The following ATAD2B variants were observed in gnomAD, a reference collection of about 807,000 sequenced individuals.
ATAD2B encodes the protein ATPase family AAA domain-containing protein 2B.
In ATAD2B, 40 loss-of-function variants were observed where a neutral mutation model predicts 167.6. The ratio of observed to expected loss-of-function variants is 0.24; its 90% CI spans 0.19 to 0.31. The LOEUF (loss-of-function observed/expected upper bound fraction) is 0.31. ATAD2B is among the 10% of genes least tolerant of loss of function. The pLI, the probability that ATAD2B is intolerant of heterozygous loss-of-function variation, is 1.00. For synonymous variants in ATAD2B, 579 were observed against 596.5 expected (o/e 0.97, Z 0.43); for missense variants, 1,242 against 1,757.2 (o/e 0.71, Z 5.24).
At chr2:23,797,592 T>C (rs1320035212) in intron 19 of ATAD2B, among the ~76,000 whole-genome samples, 2 of 152,122 alleles carry the variant, frequency 1.3e-5, no homozygotes, top group Non-Finnish European at 2.9e-5. Flanking sequence ...TGAGACCAGA[T>C]GTGTTTCAGA....
intron 13 of ATAD2B, among the ~76,000 whole-genome samples, chr2:23,843,313 A>C (rs6718635): frequency 0.1 from 15,647 of 152,306 alleles, 899 homozygotes; most frequent in Middle Eastern, 0.18. Flanking sequence ...GTGAAAACAG[A>C]AAAAGACTGA....
intron 18 of ATAD2B, among the ~76,000 whole-genome samples, 157 bp from the exon 19 acceptor site, chr2:23,798,480 G>C (rs1051131646): frequency 1.3e-4 from 20 of 150,200 alleles, no homozygotes; most frequent in Admixed American, 1.3e-3. Context: ...GCCTTACACA[G>C]CTTCAATCTA....
chr2:23,811,310 T>A (rs1685551412), intron 17 of ATAD2B: 1 of 152,186 alleles, frequency 6.6e-6, no homozygotes, highest in Non-Finnish European at 1.5e-5. Context: ...ATTAGTTATA[T>A]CATCAAAGGG....
intron 21 of ATAD2B, among the ~76,000 whole-genome samples, chr2:23,784,701 C>T (rs191159809): frequency 1.3e-5 from 2 of 151,800 alleles, no homozygotes; most frequent in African/African-American, 4.8e-5. Context: ...AGAAAGGGCA[C>T]ACACACATAT....
the ATAD2B span, among the ~76,000 whole-genome samples, chr2:23,683,448 AC>A: frequency 0.011 from 1,723 of 152,308 alleles, 18 homozygotes; most frequent in Middle Eastern, 0.031. Context: ...GAAGGCCCTA[AC>A]TTTTGCCAAT....
chr2:23,683,211 G>A, the ATAD2B span, among the ~76,000 whole-genome samples: 1 of 152,248 alleles, frequency 6.6e-6, no homozygotes, highest in South Asian at 2.1e-4. Flanking sequence ...GCTGGAGCAG[G>A]GGCGATGGCC....
chr2:23,754,094 T>A, intron 27 of ATAD2B, 85 bp downstream of exon 27: 1 of 1,128,872 alleles, frequency 8.9e-7, no homozygotes, highest in Non-Finnish European at 1.2e-6. Flanking sequence ...GACATAGATG[T>A]AGGCAAAATA....
At chr2:23,919,425 T>C (rs945282619) in intron 1 of ATAD2B, among the ~76,000 whole-genome samples, 2 of 152,054 alleles carry the variant, frequency 1.3e-5, no homozygotes, top group Non-Finnish European at 2.9e-5. Context: ...CTTGTGCCTG[T>C]AGTCCCAGCT....
intron 20 of ATAD2B, among the ~76,000 whole-genome samples, chr2:23,786,641 A>T (rs1339756613): frequency 6.6e-6 from 1 of 152,166 alleles, no homozygotes; most frequent in South Asian, 2.1e-4. Flanking sequence ...CCAAAACGTC[A>T]TTATGCAGCG....
intron 3 of ATAD2B, 110 bp downstream of exon 3, chr2:23,888,240 C>A: frequency 1.2e-6 from 1 of 804,770 alleles, no homozygotes; most frequent in Non-Finnish European, 1.9e-6. Flanking sequence ...CAGCCATTTC[C>A]AACTGTATGC....
At position 23,884,186 on chromosome 2, in the gene ATAD2B, T is replaced by A. The variant is rs189705579; in HGVS notation, c.784+579A>T. Among the ~76,000 whole-genome samples the A allele has an allele frequency of 1.5e-3, 229 of 152,006 alleles. 1 individual carries two copies. The highest frequency in any genetic ancestry group is 5.2e-3 in the African/African-American group (217 of 41,476). On this transcript the variant is annotated intron_variant, in intron 6 of 27. Transcript: ENST00000238789. The stretch of plus-strand genomic sequence containing the variant: ...TGCCTACAGAATTAAATCCTATAGG[T>A]GTACTGTTCATCAATTTATAATTCA...
intron 22 of ATAD2B, among the ~76,000 whole-genome samples, chr2:23,769,491 T>G (rs1423579361): frequency 6.6e-6 from 1 of 151,978 alleles, no homozygotes; most frequent in Non-Finnish European, 1.5e-5. Context: ...GTCAGCCCTT[T>G]GTATCCACAG....
Position 23,890,138 on chromosome 2 carries a change from C to G in ATAD2B, c.369-1739G>C, listed in dbSNP as rs547062432. 3.3e-5 allele frequency among the ~76,000 whole-genome samples: 5 copies of G among 152,228 alleles called. No individual in the cohort carries two copies. The South Asian group carries it at 1.0e-3, about 32-fold the overall frequency. On this transcript the variant is annotated intron_variant, in intron 2 of 27. Transcript: ENST00000238789. ...GCTGAGGCAGGAGAATGGCGTGAAC[C>G]TGGGAGGTGGAGCTTACAGTGAGCC...
rs191702747 is a variant in ATAD2B, at chr2:23,880,228, T to C, written c.901+411A>G. ...TGTATGTAAATCAATGCTGCTACCA[T>C]GTACTTTGACTTTCTTTCAGTTGCA... On this transcript the variant is annotated intron_variant, in intron 7 of 27. Transcript: ENST00000238789. Among the ~76,000 whole-genome samples, 299 of 152,334 alleles carry C rather than the reference T, an allele frequency of 2.0e-3. 1 individual carries two copies. Among genetic ancestry groups the C allele is most frequent in the Non-Finnish European group, 3.4e-3 (234 of 68,024 alleles).
chr2:23,860,101 G>A (rs1254229516), intron 12 of ATAD2B, among the ~76,000 whole-genome samples: 1 of 152,106 alleles, frequency 6.6e-6, no homozygotes, highest in African/African-American at 2.4e-5. Context: ...TAGTGGGTTT[G>A]CCCCCATCTT....
At chr2:23,688,761 C>T in the ATAD2B span, 2 of 152,278 alleles carry the variant, frequency 1.3e-5, no homozygotes, top group African/African-American at 2.4e-5. Flanking sequence ...CTGCTGCAGT[C>T]CCTCCAAAGC....
rs1415232668 is a variant in ATAD2B at position 23,850,761 on chromosome 2, T to C, written c.1568+6654A>G. 2.0e-5 allele frequency among the ~76,000 whole-genome samples: 3 copies of C among 152,200 alleles called. No homozygotes were observed. In the East Asian group the frequency reaches 5.8e-4, roughly 29 times the overall value. ...GCAGATACGTGTCATTACACATTTGTTGAAACCCTAAAACTGCCTGCTATG... is the reference window on the plus strand; with the variant it reads ...GCAGATACGTGTCATTACACATTTGCTGAAACCCTAAAACTGCCTGCTATG... On this transcript the variant is annotated intron_variant, in intron 13 of 27. Transcript: ENST00000238789.
rs17045919 is a variant in ATAD2B at position 23,796,266 on chromosome 2, G to A, written c.2640+1872C>T. Among the ~76,000 whole-genome samples the A allele has an allele frequency of 3.5e-3, 526 of 152,282 alleles. 4 individuals carry two copies. The highest frequency in any genetic ancestry group is 0.012 in the African/African-American group (511 of 41,572). On this transcript the variant is annotated intron_variant, in intron 19 of 27. Transcript: ENST00000238789. The stretch of plus-strand genomic sequence containing the variant: ...GAGAGGGAAAGGAGCTGAAATTTCA[G>A]AATTCAATGCTGGCAAATTTCTAAT...
At chr2:23,872,411 G>C (rs552355056) in intron 8 of ATAD2B, 3 of 710,826 alleles carry the variant, frequency 4.2e-6, no homozygotes, top group Non-Finnish European at 7.9e-6. Flanking sequence ...TCTTCAGAGA[G>C]ACCATCCAAA....
Sources: gnomAD v4.1 joint callset for allele counts (sites outside exome capture counted in the v4.1 genomes callset) on GRCh38, gnomAD v4.1.1 for gene constraint, MANE v1.5 for transcripts, NCBI Gene and HGNC (gene_info 2026-07-23, HGNC 2026-07-21) for gene names.